Variants in PPP1R1C observed in about 807,000 individuals in gnomAD.
PPP1R1C encodes the protein protein phosphatase 1 regulatory inhibitor subunit 1C.
Under a neutral mutation model 17.4 loss-of-function variants are expected in PPP1R1C, and 15 were observed. The observed-to-expected ratio is 0.86, with a 90% CI of 0.58 to 1.33. The LOEUF (loss-of-function observed/expected upper bound fraction) is 1.33. Among genes scored for constraint, PPP1R1C ranks in the 40% most tolerant of loss-of-function variants. PPP1R1C has a pLI of 0.00. For missense variants in PPP1R1C, 143 were observed against 130.0 expected, an observed-to-expected ratio of 1.10 and a Z score of -0.48; for synonymous variants, 35 against 43.1, an observed-to-expected ratio of 0.81 and a Z score of 0.73.
intron 2 of PPP1R1C, among the ~76,000 whole-genome samples, chr2:182,035,423 A>T (rs957861060): frequency 6.6e-6 from 1 of 152,214 alleles, no homozygotes; most frequent in African/African-American, 2.4e-5. Flanking sequence ...ATGAGGAATT[A>T]TGCATAATTT....
upstream of PPP1R1C, among the ~76,000 whole-genome samples, chr2:181,982,387 T>A (rs1685209591): frequency 1.3e-5 from 2 of 152,224 alleles, no homozygotes; most frequent in African/African-American, 4.8e-5. Context: ...CTTACGTTTC[T>A]TGATAGTATT....
At chr2:182,012,748 T>A (rs1370795449) in intron 2 of PPP1R1C, among the ~76,000 whole-genome samples, 1 of 152,094 alleles carries the variant, frequency 6.6e-6, no homozygotes, top group Non-Finnish European at 1.5e-5. Context: ...TCTTGCTTTT[T>A]ATTTTTTGCG....
At chr2:182,025,092 G>C (rs1320563642) in intron 2 of PPP1R1C, among the ~76,000 whole-genome samples, 1 of 147,326 alleles carries the variant, frequency 6.8e-6, no homozygotes, top group Non-Finnish European at 1.5e-5. Context: ...AAATAAAACA[G>C]GTTCTATACT....
chr2:182,117,232 T>A lies in PPP1R1C; in HGVS notation c.267T>A (p.Asn89Lys). ...GGGTTAAGCATCTGAAAGGCCAGAA[T>A]GAATCAGCATTCCCTGAAGAAGAAG... ...IKGVKHLKGQNESAFPEEEEG... is the reference protein window; with the variant it reads ...IKGVKHLKGQKESAFPEEEEG... Residue 89 changes from asparagine to lysine, a missense_variant, in exon 5 of 5, where the codon AAT becomes AAA. Physicochemically the swap from Asn to Lys is moderately conservative, Grantham distance 94. Coordinates refer to ENST00000682840, the MANE Select transcript of PPP1R1C (RefSeq NM_001080545.3). The A allele has an allele frequency of 6.4e-7, 1 of 1,560,162 alleles. No individual in the cohort carries two copies. The highest frequency in any genetic ancestry group is 8.7e-7 in the Non-Finnish European group (1 of 1,151,662).
intron 4 of PPP1R1C, among the ~76,000 whole-genome samples, chr2:182,081,336 C>T (rs891720904): frequency 6.6e-6 from 1 of 152,044 alleles, no homozygotes; most frequent in African/African-American, 2.4e-5. Flanking sequence ...AATTTTTTTT[C>T]AAGTTTCAGT....
Position 181,962,029 on chromosome 2 carries a change from G to A in PPP1R1C, n.111+7395G>A. 6.9e-6 allele frequency: 5 copies of A among 727,934 alleles called. No homozygotes were observed. The highest frequency in any genetic ancestry group is 4.1e-5 in the South Asian group (3 of 73,716). The allele number at this position is 727,934 out of a possible 1,614,324, so 45.1% of individuals were successfully genotyped here. A position where few individuals can be genotyped will look rare whatever the true frequency, so the allele number is the denominator to read the frequency against. Reference sequence around the variant, plus strand: ...GACAGGCATTGTCAATCTGCAAAACGATGCCGGCATTGTCCACAGTATTTG... The same window carrying A: ...GACAGGCATTGTCAATCTGCAAAACAATGCCGGCATTGTCCACAGTATTTG... On this transcript the variant is annotated intron_variant and non_coding_transcript_variant, in intron 1 of 5. Transcript: ENST00000464264. This position sits in a 1 kb window ranked among gnomAD's most constrained non-coding sequence, Gnocchi z 6.0.
intron 4 of PPP1R1C, among the ~76,000 whole-genome samples, chr2:182,094,446 A>G (rs926436458): frequency 6.6e-5 from 10 of 152,192 alleles, no homozygotes; most frequent in Non-Finnish European, 1.5e-4. Context: ...CAATATGACA[A>G]TTTTTCAAGT....
chr2:182,039,532 G>A (rs548478569), intron 2 of PPP1R1C, among the ~76,000 whole-genome samples: 1 of 152,130 alleles, frequency 6.6e-6, no homozygotes, highest in African/African-American at 2.4e-5. Context: ...CTCTAGGCGT[G>A]TGCCATGATG....
intron 2 of PPP1R1C, among the ~76,000 whole-genome samples, chr2:182,018,760 G>T (rs888404843): frequency 1.3e-5 from 2 of 152,178 alleles, no homozygotes; most frequent in African/African-American, 4.8e-5. Context: ...GTGTAGGAAC[G>T]AATGATAAGG....
chr2:182,079,024 A>T (rs1478663078), intron 4 of PPP1R1C, among the ~76,000 whole-genome samples: 2 of 152,256 alleles, frequency 1.3e-5, no homozygotes, highest in African/African-American at 4.8e-5. Context: ...ATAGTTACAC[A>T]ATCTGCAATC....
chr2:181,998,835 G>A (rs1455853532), intron 2 of PPP1R1C, among the ~76,000 whole-genome samples: 1 of 152,168 alleles, frequency 6.6e-6, no homozygotes, highest in Non-Finnish European at 1.5e-5. Context: ...TGAATTTTAA[G>A]CACTTCTCAC....
chr2:181,960,627 G>A (rs532825180), intron 1 of PPP1R1C, among the ~76,000 whole-genome samples: 19 of 152,068 alleles, frequency 1.2e-4, no homozygotes, highest in African/African-American at 2.4e-4. Flanking sequence ...AGTGTTTTCC[G>A]TTAACACAAA....
chr2:181,988,967 T>A (rs1574355632), intron 2 of PPP1R1C, among the ~76,000 whole-genome samples: 1 of 152,194 alleles, frequency 6.6e-6, no homozygotes, highest in African/African-American at 2.4e-5. Flanking sequence ...TTTTCAAATA[T>A]ATTATCTCAA....
chr2:181,999,670 T>G (rs193087738), intron 2 of PPP1R1C, among the ~76,000 whole-genome samples: 1 of 152,044 alleles, frequency 6.6e-6, no homozygotes, highest in East Asian at 1.9e-4. Context: ...AATGAGTTGG[T>G]TTTGAAGTGG....
intron 2 of PPP1R1C, among the ~76,000 whole-genome samples, chr2:182,041,959 T>A (rs1377554696): frequency 1.3e-5 from 2 of 152,208 alleles, no homozygotes; most frequent in Non-Finnish European, 2.9e-5. Context: ...TATGTGTTTG[T>A]ATCCCATTTT....
At chr2:182,117,859 G>T (rs1309535234), downstream of PPP1R1C, 1 of 152,070 alleles carries the variant, frequency 6.6e-6, no homozygotes, top group African/African-American at 2.4e-5. Flanking sequence ...CACAATATTA[G>T]ATACTAAACA....
At chr2:182,125,041 A>G (rs1159029630) in intron 5 of PPP1R1C, among the ~76,000 whole-genome samples, 1 of 152,170 alleles carries the variant, frequency 6.6e-6, no homozygotes, top group African/African-American at 2.4e-5. Context: ...GATTTCTCAT[A>G]AATAGCTCTT....
intron 2 of PPP1R1C, among the ~76,000 whole-genome samples, chr2:182,003,053 T>G (rs1267061096): frequency 6.6e-6 from 1 of 151,168 alleles, no homozygotes. Flanking sequence ...GCAGTGGAGG[T>G]TAACAACATT....
At chr2:181,985,705 T>C (rs1024730103), upstream of PPP1R1C, among the ~76,000 whole-genome samples, 5 of 152,148 alleles carry the variant, frequency 3.3e-5, no homozygotes, top group Admixed American at 1.3e-4. This position sits in a 1 kb window ranked among gnomAD's most constrained non-coding sequence, Gnocchi z 4.1. Flanking sequence ...CATTGCACTT[T>C]TGAGCAGCCG....
Sources: gnomAD v4.1 joint callset for allele counts (sites outside exome capture counted in the v4.1 genomes callset) on GRCh38, gnomAD v4.1.1 for gene constraint, Gnocchi (gnomAD v3.1) non-coding constraint, MANE v1.5 for transcripts, NCBI Gene and HGNC (gene_info 2026-07-23, HGNC 2026-07-21) for gene names.